The following INPP5E variants were observed in gnomAD, a reference collection of about 807,000 sequenced individuals.
INPP5E encodes inositol polyphosphate-5-phosphatase E.
INPP5E carries 34 observed loss-of-function variants against 50.5 expected under a neutral mutation model. That is an observed-to-expected ratio of 0.67 (90% CI 0.51 to 0.90). INPP5E has a LOEUF of 0.90. Ranked by LOEUF, INPP5E falls within the 40% of genes least tolerant of loss-of-function variation. The pLI is 0.00. For missense variants in INPP5E, 942 were observed against 905.5 expected (o/e 1.04, Z -0.52); for synonymous variants, 447 against 406.0 (o/e 1.10, Z -1.21).
At chr9:136,438,367 A>G in intron 1 of INPP5E, 1 of 596,098 alleles carries the variant, frequency 1.7e-6, no homozygotes, top group Non-Finnish European at 3.0e-6. Flanking sequence ...GCAGGATGCC[A>G]TCCTGTCTAC....
At chr9:136,433,918 G>A (rs1835769539) in intron 3 of INPP5E, 119 bp downstream of exon 3, 2 of 802,992 alleles carry the variant, frequency 2.5e-6, no homozygotes, top group Admixed American at 2.0e-5. Flanking sequence ...CTTCACAGAT[G>A]GCAGCCCCCG....
At chr9:136,431,179 G>A in intron 7 of INPP5E, 62 bp from the exon 8 acceptor site, 1 of 1,083,428 alleles carries the variant, frequency 9.2e-7, no homozygotes, top group South Asian at 1.3e-5. Context: ...CGCACCCCAG[G>A]CCCTCACCTC....
chr9:136,432,024 G>C, intron 6 of INPP5E, 39 bp from the exon 7 acceptor site: 1 of 1,611,966 alleles, frequency 6.2e-7, no homozygotes, highest in East Asian at 2.2e-5. Context: ...CAGGCAGAGG[G>C]ACGGCAGGTC....
chr9:136,434,785 C>T lies in INPP5E; in HGVS notation c.891G>A (p.Arg297=). The stretch of plus-strand genomic sequence containing the variant: ...AGGTGGCCACGAAGAGTGCCACGTT[C>T]CGGTCTGGGAAGTAGCGGGCCAGCT... ...ADELARYFPD[R]NVALFVATWN... Residue 297 remains arginine (R), a synonymous_variant, in exon 2 of 10, where the codon CGG becomes CGA. Transcript: ENST00000371712. The T allele has an allele frequency of 6.2e-7, 1 of 1,609,644 alleles. No individual in the cohort carries two copies.
At chr9:136,433,623 G>A (rs892074887) in intron 3 of INPP5E, among the ~76,000 whole-genome samples, 2 of 152,196 alleles carry the variant, frequency 1.3e-5, no homozygotes, top group Admixed American at 6.5e-5. Flanking sequence ...TGCTGTTCCC[G>A]CCATGACATG....
chr9:136,439,680 T>C lies in INPP5E; in HGVS notation c.-261A>G, dbSNP rs1346317755. On this transcript the variant is annotated 5_prime_UTR_variant, in exon 1 of 10. Transcript: ENST00000371712. The stretch of plus-strand genomic sequence containing the variant: ...CTGGGGGAACAGGCGGCTGGGCGCC[T>C]GTCGCGGGGGAGGTTCGACCCCGAC... 1 of 322,102 alleles carries C rather than the reference T, an allele frequency of 3.1e-6. No individual in the cohort carries two copies. The highest frequency in any genetic ancestry group is 5.6e-6 in the Non-Finnish European group (1 of 177,674). 20.0% of individuals were successfully genotyped at this position (322,102 alleles called of 1,614,324 possible).
rs931544953 is a variant in INPP5E, at chr9:136,432,462, A to G, written c.1387+17T>C. ...AACCACGGCGGCACCACCCACACGC[A>G]GCGTGGACGCCCTCACCTGCGCTGG... On this transcript the variant is annotated intron_variant, in intron 6 of 9. Transcript: ENST00000371712. The G allele has an allele frequency of 8.6e-6, 13 of 1,506,218 alleles. No homozygotes were observed. The highest frequency in any genetic ancestry group is 1.2e-5 in the Non-Finnish European group (13 of 1,107,354). The allele number at this position is 1,506,218 out of a possible 1,614,324, so 93.3% of individuals were successfully genotyped here.
Position 136,430,277 on chromosome 9 carries a change from T to A in INPP5E, c.1802A>T (p.Asn601Ile). 1 of 1,551,348 alleles carries A rather than the reference T, an allele frequency of 6.4e-7. No individual in the cohort carries two copies. Among genetic ancestry groups the A allele is most frequent in the Non-Finnish European group, 8.7e-7 (1 of 1,146,986 alleles). Reference protein sequence around the residue: ...FRVKVRPGRDNIPLAAGKFDR... With the variant: ...FRVKVRPGRDIIPLAAGKFDR... ...GGAAGGTGAGCGGGAGAACACTGAC[T>A]TGTCTCGCCCCGGCCTCACTTTCAC... Residue 601 changes from asparagine to isoleucine, a missense_variant and splice_region_variant, in exon 9 of 10, where the codon AAC becomes ATC. By Grantham distance (149) the Asn-to-Ile change is moderately radical (BLOSUM62 -3). Transcript: ENST00000371712.
At chr9:136,430,962 C>T (rs1344993758) in intron 8 of INPP5E, 40 bp downstream of exon 8, 1 of 1,410,674 alleles carries the variant, frequency 7.1e-7, no homozygotes, top group Admixed American at 1.7e-5. Flanking sequence ...AGATGCCTGC[C>T]CTGGAAGCAC....
In INPP5E at chr9:136,439,189, C is replaced by T; in HGVS notation, c.231G>A (p.Arg77=). The change falls in exon 1 of 10, where the codon AGG becomes AGA. Residue 77 remains arginine, a synonymous_variant. Coordinates refer to ENST00000371712, the MANE Select transcript of INPP5E (RefSeq NM_019892.6). ...AAPIAPRPPA[R]PRLERALSLD... The stretch of plus-strand genomic sequence containing the variant: ...GGGACAGGGCTCGCTCCAGTCGAGG[C>T]CTGGCGGGGGGCCGCGGGGCGATGG... 1 of 1,549,070 alleles carries T rather than the reference C, an allele frequency of 6.5e-7. No homozygotes were observed. The highest frequency in any genetic ancestry group is 1.4e-5 in the African/African-American group (1 of 73,604).
intron 3 of INPP5E, 122 bp from the exon 4 acceptor site, chr9:136,433,401 C>A (rs1835759668): frequency 2.1e-6 from 3 of 1,396,588 alleles, no homozygotes. Flanking sequence ...GCCTTGGTGT[C>A]TTGCGCGGAG....
rs1281522733 is a variant in INPP5E, at chr9:136,438,738, C to G, written c.682G>C (p.Val228Leu). 2 of 1,611,112 alleles carry G rather than the reference C, an allele frequency of 1.2e-6. No homozygotes were observed. The highest frequency in any genetic ancestry group is 4.5e-5 in the East Asian group (2 of 44,826). ...GGGCCCAGGCTGCTGTGGGCCCGCA[C>G]CAGGAGCGGCTGCGCGCGGAGCTTG... is the stretch of plus-strand genomic sequence containing the variant. The part of the protein sequence containing the change: ...DYKLRAQPLL[V>L]RAHSSLGPGR... The change falls in exon 1 of 10, where the codon GTG becomes CTG. Residue 228 changes from valine (V) to leucine (L), a missense_variant. Val to Leu is a conservative substitution (Grantham distance 32). Coordinates refer to ENST00000371712, the MANE Select transcript of INPP5E (RefSeq NM_019892.6).
In INPP5E at chr9:136,439,039, G is replaced by T; in HGVS notation, c.381C>A (p.Ser127Arg). The part of the protein sequence containing the change: ...QSEGPGAPAH[S>R]CSPPCLSTSL... ...AGGTGCTCAGGCAGGGCGGGGAGCAGCTGTGGGCGGGGGCCCCGGGGCCCT... is the reference window on the plus strand; with the variant it reads ...AGGTGCTCAGGCAGGGCGGGGAGCATCTGTGGGCGGGGGCCCCGGGGCCCT... Residue 127 changes from serine (S) to arginine (R), a missense_variant, in exon 1 of 10, where the codon AGC (serine) becomes AGA (arginine). Ser to Arg is a moderately radical substitution (Grantham distance 110, BLOSUM62 -1). Transcript: ENST00000371712. The T allele has an allele frequency of 6.3e-7, 1 of 1,579,258 alleles. No homozygotes were observed. Among genetic ancestry groups the T allele is most frequent in the Non-Finnish European group, 8.6e-7 (1 of 1,163,282 alleles).
chr9:136,429,586 G>A lies in INPP5E; in HGVS notation c.*89C>T, dbSNP rs1046347290. On this transcript the variant is annotated 3_prime_UTR_variant, in exon 10 of 10. Coordinates refer to ENST00000371712, the MANE Select transcript of INPP5E (RefSeq NM_019892.6). ...GGTCGCCACAGTCCCTCGGATCCCCGAAAGGCGGCAAACTCTTTGTCCTTC... is the reference window on the plus strand; with the variant it reads ...GGTCGCCACAGTCCCTCGGATCCCCAAAAGGCGGCAAACTCTTTGTCCTTC... The A allele has an allele frequency of 1.2e-5, 18 of 1,559,762 alleles. No individual in the cohort carries two copies. The highest frequency in any genetic ancestry group is 4.5e-5 in the East Asian group (2 of 44,700).
At chr9:136,435,656 AG>A (rs1409107250) in intron 1 of INPP5E, 1 of 152,240 alleles carries the variant, frequency 6.6e-6, no homozygotes, top group East Asian at 1.9e-4. Flanking sequence ...CCCCACACTC[AG>A]CACCTTCTGC....
intron 1 of INPP5E, chr9:136,436,251 T>G (rs1835826529): frequency 6.6e-6 from 1 of 152,264 alleles, no homozygotes. Flanking sequence ...CAGAGAGCGT[T>G]CCTGTGGGCA....
intron 1 of INPP5E, chr9:136,438,403 T>C (rs1418240470): frequency 4.9e-6 from 3 of 609,424 alleles, no homozygotes; most frequent in Non-Finnish European, 8.8e-6. Flanking sequence ...CGCCCACGAA[T>C]GGTTCTGAAA....
rs1328937634 is a variant in INPP5E, at chr9:136,432,618, G to C, written c.1280-32C>G. On this transcript the variant is annotated intron_variant, in intron 5 of 9. Transcript: ENST00000371712. ...GAACAGAAATGGGGTAGGGACCACA[G>C]GGTTCCGGATGCTCGAGTCTCCCTA... is the stretch of plus-strand genomic sequence containing the variant. 2.9e-6 allele frequency: 4 copies of C among 1,381,420 alleles called. No homozygotes were observed. In the South Asian group the frequency reaches 3.7e-5, roughly 13 times the overall value. The allele number at this position is 1,381,420 out of a possible 1,614,324, so 85.6% of individuals were successfully genotyped here.
At chr9:136,430,855 G>A (rs1055069946) in intron 8 of INPP5E, 147 bp downstream of exon 8, 431 of 685,664 alleles carry the variant, frequency 6.3e-4, no homozygotes, top group Middle Eastern at 1.1e-3. Flanking sequence ...CTCCACCAAA[G>A]GGGACTTGCC....
Sources: allele counts gnomAD v4.1 joint callset (sites outside exome capture counted in the v4.1 genomes callset), GRCh38; gene constraint gnomAD v4.1.1; transcripts MANE v1.5; gene names NCBI Gene and HGNC (gene_info 2026-07-23, HGNC 2026-07-21).